ABL1: variants seen among roughly 807,000 people sequenced by gnomAD.
ABL1 encodes the protein tyrosine-protein kinase ABL1.
Under a neutral mutation model 94.7 loss-of-function variants are expected in ABL1, and 11 were observed. That is an observed-to-expected ratio of 0.12 (90% CI 0.07 to 0.19). The LOEUF (loss-of-function observed/expected upper bound fraction) is 0.19, where lower values mean the gene tolerates loss of function less well. Ranked by LOEUF, ABL1 falls within the 10% of genes least tolerant of loss-of-function variation. ABL1 has a pLI of 1.00. For missense variants in ABL1, 1,082 were observed against 1,489.4 expected (o/e 0.73, Z 4.50); for synonymous variants, 656 against 622.4 (o/e 1.05, Z -0.80).
At chr9:130,851,092 T>A (rs1406569157) in intron 1 of ABL1, among the ~76,000 whole-genome samples, 4 of 151,686 alleles carry the variant, frequency 2.6e-5, no homozygotes, top group African/African-American at 7.3e-5. Context: ...CCCAGCTAAT[T>A]TTTTTGTATT....
chr9:130,849,547 T>C (rs1299129870), intron 1 of ABL1, among the ~76,000 whole-genome samples: 4 of 152,174 alleles, frequency 2.6e-5, no homozygotes, highest in Non-Finnish European at 5.9e-5. Context: ...TGAGACGATG[T>C]CTCACTCTGT....
intron 6 of ABL1, among the ~76,000 whole-genome samples, chr9:130,873,278 G>A (rs576044110): frequency 2.9e-4 from 44 of 152,328 alleles, no homozygotes; most frequent in Non-Finnish European, 3.4e-4. Context: ...GCTAATCCCC[G>A]GAGTAAGGAA....
intron 1 of ABL1, among the ~76,000 whole-genome samples, chr9:130,779,141 A>G (rs1390582459): frequency 6.6e-6 from 1 of 152,248 alleles, no homozygotes; most frequent in Non-Finnish European, 1.5e-5. Flanking sequence ...TGTGTGCAGA[A>G]GAGTCCTGCA....
Position 130,835,842 on chromosome 9 carries a change from A to G in ABL1, c.79+317A>G, listed in dbSNP as rs1257548141. On this transcript the variant is annotated intron_variant, in intron 1 of 10. Coordinates refer to ENST00000318560, the MANE Select transcript of ABL1 (RefSeq NM_005157.6). This position sits in a 1 kb window ranked among gnomAD's most constrained non-coding sequence, Gnocchi z 4.6. ...CCCCAGCCCCGGCACCAGCCCCGGT[A>G]GAGCCACGCCGGATGGTGACGGCGG... 6.6e-6 allele frequency among the ~76,000 whole-genome samples: 1 copy of G among 152,196 alleles called. No homozygotes were observed. The highest frequency in any genetic ancestry group is 1.5e-5 in the Non-Finnish European group (1 of 68,036).
At chr9:130,842,144 G>T (rs1830684296) in intron 1 of ABL1, among the ~76,000 whole-genome samples, 1 of 152,144 alleles carries the variant, frequency 6.6e-6, no homozygotes, top group African/African-American at 2.4e-5. Context: ...ATGAGTGAGA[G>T]CAAGAGAAGC....
intron 3 of ABL1, among the ~76,000 whole-genome samples, chr9:130,859,243 G>C (rs1403782496): frequency 6.6e-6 from 1 of 152,140 alleles, no homozygotes; most frequent in Non-Finnish European, 1.5e-5. Flanking sequence ...GTCCTTAATA[G>C]AGTCTTTCCT....
intron 1 of ABL1, among the ~76,000 whole-genome samples, chr9:130,743,359 CA>C (rs1831844015): frequency 6.6e-6 from 1 of 152,226 alleles, no homozygotes; most frequent in South Asian, 2.1e-4. Flanking sequence ...AGGTGTGAGC[CA>C]CCACGCCCAG....
At chr9:130,725,723 A>G (rs528105092) in intron 1 of ABL1, among the ~76,000 whole-genome samples, 1 of 151,428 alleles carries the variant, frequency 6.6e-6, no homozygotes, top group South Asian at 2.1e-4. Context: ...TACGTGTATC[A>G]GAATTTCTTC....
chr9:130,754,336 G>A (rs1459716930), intron 1 of ABL1, among the ~76,000 whole-genome samples: 2 of 150,752 alleles, frequency 1.3e-5, no homozygotes, highest in African/African-American at 2.4e-5. Context: ...GTGAAACCCC[G>A]TCTCTACTAA....
chr9:130,824,277 CCAGAGGG>C (rs1040183504), intron 1 of ABL1, among the ~76,000 whole-genome samples: 4 of 152,110 alleles, frequency 2.6e-5, no homozygotes, highest in African/African-American at 9.7e-5. Context: ...GTCTGAGAAC[CCAGAGGG>C]CTGAGGGCAG....
At chr9:130,775,797 A>T (rs550159743) in intron 1 of ABL1, among the ~76,000 whole-genome samples, 1 of 152,296 alleles carries the variant, frequency 6.6e-6, no homozygotes, top group South Asian at 2.1e-4. Context: ...CACCAAAGAC[A>T]AAAATAAGAT....
Position 130,730,046 on chromosome 9 carries a change from C to CTTTTTTTTTTTTTTTTTT in ABL1, c.136+15605_136+15606insTTTTTTTTTTTTTTTTTT, listed in dbSNP as rs138446676. ...GCGTGAGCCACTGCGCCCAGCCAGA[C>CTTTTTTTTTTTTTTTTTT]TTTTTTTTTTTTTTGAGATGGAATT... is the stretch of plus-strand genomic sequence containing the variant. On this transcript the variant is annotated intron_variant, in intron 1 of 10. Coordinates refer to the ABL1 transcript ENST00000372348. Among the ~76,000 whole-genome samples, 79 of 107,128 alleles carry CTTTTTTTTTTTTTTTTTT rather than the reference C, an allele frequency of 7.4e-4. 9 individuals are homozygous for CTTTTTTTTTTTTTTTTTT. The highest frequency in any genetic ancestry group is 2.4e-3 in the African/African-American group (62 of 25,474). 70.3% of individuals were successfully genotyped at this position (107,128 alleles called of 152,430 possible). A position where few individuals can be genotyped will look rare whatever the true frequency, so the allele number is the denominator to read the frequency against.
chr9:130,874,116 C>T (rs562611132), intron 6 of ABL1, among the ~76,000 whole-genome samples: 59 of 152,324 alleles, frequency 3.9e-4, no homozygotes, highest in African/African-American at 1.4e-3. Flanking sequence ...TTGTTGCTGA[C>T]GATCAGGCTA....
Position 130,872,780 on chromosome 9 carries a change from A to AG in ABL1, c.908-79dup. ...CTGAGGAGCAGAGTCAGAATCCTTC[A>AG]GAAGGCTTTTTCTTTAGACAGTTGT... On this transcript the variant is annotated intron_variant, in intron 5 of 10. Transcript: ENST00000318560. This position sits in a 1 kb window ranked among gnomAD's most constrained non-coding sequence, Gnocchi z 5.0. 6.9e-7 allele frequency: 1 copy of AG among 1,447,374 alleles called. No homozygotes were observed. Among genetic ancestry groups the AG allele is most frequent in the Non-Finnish European group, 9.4e-7 (1 of 1,062,726 alleles). The allele number at this position is 1,447,374 out of a possible 1,614,324, so 89.7% of individuals were successfully genotyped here. A position where few individuals can be genotyped will look rare whatever the true frequency, so the allele number is the denominator to read the frequency against.
At chr9:130,820,660 C>G (rs993118019) in intron 1 of ABL1, among the ~76,000 whole-genome samples, 1 of 152,154 alleles carries the variant, frequency 6.6e-6, no homozygotes, top group Non-Finnish European at 1.5e-5. Flanking sequence ...AGCTGAAAAC[C>G]AACAACACGT....
At chr9:130,727,757 C>A (rs1269605418) in intron 1 of ABL1, among the ~76,000 whole-genome samples, 2 of 133,062 alleles carry the variant, frequency 1.5e-5, no homozygotes, top group Non-Finnish European at 3.1e-5. Flanking sequence ...CACCGCCCCC[C>A]CCCCCCAAAA....
chr9:130,831,752 G>A (rs939660453), upstream of ABL1, among the ~76,000 whole-genome samples: 2 of 151,738 alleles, frequency 1.3e-5, no homozygotes, highest in Non-Finnish European at 2.9e-5. Flanking sequence ...GGGATTACAG[G>A]TGTGTACCAC....
chr9:130,727,580 G>T (rs983350261), intron 1 of ABL1, among the ~76,000 whole-genome samples: 1 of 152,020 alleles, frequency 6.6e-6, no homozygotes, highest in African/African-American at 2.4e-5. Context: ...GGCCAAGATG[G>T]TGAAACCCTG....
At chr9:130,768,577 G>A (rs1485568500) in intron 1 of ABL1, among the ~76,000 whole-genome samples, 1 of 152,228 alleles carries the variant, frequency 6.6e-6, no homozygotes, top group Non-Finnish European at 1.5e-5. Flanking sequence ...TTGCTTGTTA[G>A]AGCCAGTGAA....
Sources: gnomAD v4.1 joint callset for allele counts (sites outside exome capture counted in the v4.1 genomes callset) on GRCh38, gnomAD v4.1.1 for gene constraint, Gnocchi (gnomAD v3.1) non-coding constraint, MANE v1.5 for transcripts, NCBI Gene and HGNC (gene_info 2026-07-23, HGNC 2026-07-21) for gene names.